SPAG17: variants seen among roughly 807,000 people sequenced by gnomAD.
SPAG17 encodes the protein sperm associated antigen 17.
A neutral mutation model predicts 273.6 loss-of-function variants in SPAG17; 169 were observed. The observed-to-expected ratio is 0.62, with a 90% CI of 0.55 to 0.70. The LOEUF (loss-of-function observed/expected upper bound fraction) is 0.70, where lower values mean the gene tolerates loss of function less well. Among genes scored for constraint, SPAG17 ranks in the 30% least tolerant of loss-of-function variants. The pLI is 0.00. For synonymous variants in SPAG17, 825 were observed against 873.2 expected (o/e 0.94, Z 0.97); for missense variants, 2,557 against 2,627.8 (o/e 0.97, Z 0.59).
intron 1 of SPAG17, among the ~76,000 whole-genome samples, chr1:118,156,442 C>T (rs1302291113): frequency 6.6e-6 from 1 of 152,174 alleles, no homozygotes; most frequent in African/African-American, 2.4e-5. Context: ...GCAGGGTATT[C>T]AGTCCATGGC....
chr1:118,157,145 T>C (rs1659692751), intron 1 of SPAG17, among the ~76,000 whole-genome samples: 1 of 152,192 alleles, frequency 6.6e-6, no homozygotes, highest in Non-Finnish European at 1.5e-5. Flanking sequence ...GATGTTCACT[T>C]GGAGAAGGTT....
intron 12 of SPAG17, among the ~76,000 whole-genome samples, chr1:118,086,455 T>C (rs1178379731): frequency 6.6e-6 from 1 of 152,232 alleles, no homozygotes; most frequent in Non-Finnish European, 1.5e-5. Flanking sequence ...GAATTGTTAA[T>C]TAGACCTCAA....
chr1:118,040,728 A>AC lies in SPAG17; in HGVS notation c.3166+1dup. The stretch of plus-strand genomic sequence containing the variant: ...CATTAACCAGTTGCTTTCAAAATGT[A>AC]CCTTTTTCAAACATTGTCTTTTCCA... On this transcript the variant is annotated splice_donor_variant, in intron 22 of 48. Coordinates refer to ENST00000336338, the MANE Select transcript of SPAG17 (RefSeq NM_206996.4). LOFTEE classifies it high-confidence loss of function. 1 of 1,564,252 alleles carries AC rather than the reference A, an allele frequency of 6.4e-7. No homozygotes were observed. Among genetic ancestry groups the AC allele is most frequent in the Non-Finnish European group, 8.8e-7 (1 of 1,134,256 alleles).
chr1:118,043,067 T>A (rs1043461070), intron 20 of SPAG17, among the ~76,000 whole-genome samples: 3 of 152,182 alleles, frequency 2.0e-5, no homozygotes, highest in Non-Finnish European at 4.4e-5. Flanking sequence ...ACTACAGATA[T>A]TGTAATTGCC....
At position 118,081,329 on chromosome 1, in the gene SPAG17, G is replaced by A; in HGVS notation, c.1991-10C>T. On this transcript the variant is annotated splice_polypyrimidine_tract_variant and intron_variant, in intron 14 of 48. Coordinates refer to ENST00000336338, the MANE Select transcript of SPAG17 (RefSeq NM_206996.4). Reference sequence around the variant, plus strand: ...TCTTTGATTTTAATATCTATTCAGTGTAAGGAACATCCATGAGATACAATA... The same window carrying A: ...TCTTTGATTTTAATATCTATTCAGTATAAGGAACATCCATGAGATACAATA... 1 of 1,612,428 alleles carries A rather than the reference G, an allele frequency of 6.2e-7. No homozygotes were observed.
intron 48 of SPAG17, chr1:117,955,311 A>G: frequency 6.2e-7 from 1 of 1,610,884 alleles, no homozygotes; most frequent in African/African-American, 1.3e-5. Flanking sequence ...TCCTTCCTTT[A>G]TAGCCTTCAG....
At chr1:117,958,144 A>G (rs74114934) in intron 48 of SPAG17, among the ~76,000 whole-genome samples, 1 of 152,172 alleles carries the variant, frequency 6.6e-6, no homozygotes. Flanking sequence ...GCCAATGCCA[A>G]ATAGTTAAAC....
At position 118,081,529 on chromosome 1, in the gene SPAG17, C is replaced by T. The variant is rs373811259; in HGVS notation, c.1876G>A (p.Gly626Arg). The change falls in exon 14 of 49, where the codon GGG becomes AGG. Residue 626 changes from glycine (G) to arginine (R), a missense_variant. Gly to Arg is a moderately radical substitution (Grantham distance 125). Coordinates refer to ENST00000336338, the MANE Select transcript of SPAG17 (RefSeq NM_206996.4). The stretch of plus-strand genomic sequence containing the variant: ...ATGTTGAACATTTCAGAATCTGACC[C>T]ACACATCATCCCAGAAGGTTTCAGT... ...GKLKPSGMMC[G>R]SDSEMFNIPW... The T allele has an allele frequency of 9.3e-6, 15 of 1,613,774 alleles. No homozygotes were observed. The African/African-American group carries it at 2.0e-4, about 22-fold the overall frequency.
chr1:118,162,360 T>C (rs1041830150), intron 1 of SPAG17, among the ~76,000 whole-genome samples: 1 of 152,172 alleles, frequency 6.6e-6, no homozygotes, highest in Non-Finnish European at 1.5e-5. Flanking sequence ...ATTTAAGTAC[T>C]CACAACCTGG....
intron 48 of SPAG17, chr1:117,958,879 G>A (rs756326879): frequency 2.5e-5 from 40 of 1,595,680 alleles, no homozygotes; most frequent in Non-Finnish European, 3.4e-5. Context: ...GAACCTCTCT[G>A]CAACATGGCT....
intron 13 of SPAG17, among the ~76,000 whole-genome samples, chr1:118,085,421 T>C (rs1400208969): frequency 6.6e-6 from 1 of 152,232 alleles, no homozygotes; most frequent in East Asian, 1.9e-4. Context: ...GTTACTGTAA[T>C]TTTTACATGA....
At chr1:118,079,582 G>A (rs1284427914) in intron 15 of SPAG17, among the ~76,000 whole-genome samples, 1 of 151,724 alleles carries the variant, frequency 6.6e-6, no homozygotes, top group African/African-American at 2.4e-5. Flanking sequence ...TTTCATTGAC[G>A]TAATTTTCAT....
At chr1:118,014,539 T>C (rs1038952275) in intron 29 of SPAG17, among the ~76,000 whole-genome samples, 2 of 152,208 alleles carry the variant, frequency 1.3e-5, no homozygotes, top group African/African-American at 4.8e-5. Flanking sequence ...CATATGTACT[T>C]TGAGTCTTAC....
At chr1:117,987,473 C>G (rs10923458) in intron 40 of SPAG17, among the ~76,000 whole-genome samples, 9,717 of 152,246 alleles carry the variant, frequency 0.064, 527 homozygotes, top group East Asian at 0.31. Flanking sequence ...AAAAGGAAAC[C>G]AAACCATATA....
intron 3 of SPAG17, among the ~76,000 whole-genome samples, chr1:118,139,255 T>C (rs1658532658): frequency 6.6e-6 from 1 of 152,154 alleles, no homozygotes; most frequent in Admixed American, 6.5e-5. Context: ...ATTAAAACCA[T>C]AATGTGGTAT....
chr1:117,988,316 A>G, intron 38 of SPAG17, 112 bp from the exon 39 acceptor site: 1 of 680,042 alleles, frequency 1.5e-6, no homozygotes, highest in Non-Finnish European at 2.3e-6. Flanking sequence ...TAGTTAATCT[A>G]TCAAGTGTTT....
intron 24 of SPAG17, among the ~76,000 whole-genome samples, chr1:118,036,357 C>T (rs538552516): frequency 3.8e-4 from 58 of 152,070 alleles, no homozygotes; most frequent in African/African-American, 1.3e-3. Context: ...CAAGAGGATT[C>T]CTTGGCAATT....
chr1:118,086,117 T>G (rs1266736935), intron 12 of SPAG17, 45 bp from the exon 13 acceptor site: 1 of 1,585,756 alleles, frequency 6.3e-7, no homozygotes, highest in Non-Finnish European at 8.6e-7. Flanking sequence ...GAGTAAGCTG[T>G]TAAGTGCCTT....
intron 3 of SPAG17, among the ~76,000 whole-genome samples, chr1:118,138,114 A>C (rs1658463509): frequency 6.6e-6 from 1 of 152,164 alleles, no homozygotes; most frequent in Non-Finnish European, 1.5e-5. Context: ...TTTGGCTGGA[A>C]GTTGTGAACA....
Sources: gnomAD v4.1 joint callset for allele counts (sites outside exome capture counted in the v4.1 genomes callset) on GRCh38, gnomAD v4.1.1 for gene constraint, MANE v1.5 for transcripts, NCBI Gene and HGNC (gene_info 2026-07-23, HGNC 2026-07-21) for gene names.